Variants in ZBTB20 observed in about 807,000 individuals in gnomAD.
ZBTB20 encodes the protein zinc finger and BTB domain containing 20, also known as zinc finger and BTB domain-containing protein 20.
ZBTB20 carries 9 observed loss-of-function variants against 56.9 expected under a neutral mutation model. That is an observed-to-expected ratio of 0.16 (90% CI 0.10 to 0.28). The LOEUF (loss-of-function observed/expected upper bound fraction) is 0.28. ZBTB20 is among the 10% of genes least tolerant of loss of function. The pLI is 1.00. For missense variants in ZBTB20, 655 were observed against 1,003.0 expected (o/e 0.65, Z 4.69); for synonymous variants, 417 against 420.7 (o/e 0.99, Z 0.11).
intron 4 of ZBTB20, among the ~76,000 whole-genome samples, chr3:114,823,848 CA>C (rs2073379166): frequency 6.6e-6 from 1 of 151,814 alleles, no homozygotes; most frequent in African/African-American, 2.4e-5. Context: ...CTATTTTTTT[CA>C]AAACACCATA....
intron 5 of ZBTB20, among the ~76,000 whole-genome samples, chr3:114,746,409 A>C (rs2108622521): frequency 6.6e-6 from 1 of 151,228 alleles, no homozygotes; most frequent in Middle Eastern, 3.4e-3. Flanking sequence ...TTGAAGAGTC[A>C]CTTGTCTGGA....
chr3:114,933,012 G>C (rs529467913), intron 3 of ZBTB20, among the ~76,000 whole-genome samples: 2 of 152,224 alleles, frequency 1.3e-5, no homozygotes, highest in East Asian at 1.9e-4. Context: ...ATTAGTGAAT[G>C]ATGAGAAGCA....
In ZBTB20 at chr3:114,527,998, T is replaced by G. The variant is rs2047427087; in HGVS notation, c.-294-27607A>C. On this transcript the variant is annotated intron_variant, in intron 6 of 11. Coordinates refer to ENST00000675478, the MANE Select transcript of ZBTB20 (RefSeq NM_001348800.3). The stretch of plus-strand genomic sequence containing the variant: ...TTGTGTCTTTCCCTTCATAATTTTT[T>G]TTTTTTTTTGGTTACTAGATTATCC... Among the ~76,000 whole-genome samples the G allele has an allele frequency of 3.3e-5, 5 of 151,968 alleles. No homozygotes were observed. The South Asian group carries it at 1.0e-3, about 32-fold the overall frequency.
chr3:114,627,774 C>G (rs899734222), intron 6 of ZBTB20, among the ~76,000 whole-genome samples: 2 of 152,194 alleles, frequency 1.3e-5, no homozygotes, highest in African/African-American at 4.8e-5. Context: ...GTCACAATGA[C>G]AAATCATCCG....
intron 6 of ZBTB20, among the ~76,000 whole-genome samples, chr3:114,510,448 G>A (rs1271305132): frequency 6.6e-6 from 1 of 151,862 alleles, no homozygotes; most frequent in African/African-American, 2.4e-5. Context: ...TTGGTCTGGA[G>A]GAAGTGACCC....
rs536940554 is a variant in ZBTB20 at position 114,856,273 on chromosome 3, T to G, written c.-417+44031A>C. Among the ~76,000 whole-genome samples the G allele has an allele frequency of 3.2e-4, 48 of 152,370 alleles. No individual in the cohort carries two copies. In the South Asian group the frequency reaches 9.5e-3, roughly 30 times the overall value. ...TTATCTAATTTGATCTTCATGCCAGTTCTGAGGTAGTATTATTATGATTAT... is the reference window on the plus strand; with the variant it reads ...TTATCTAATTTGATCTTCATGCCAGGTCTGAGGTAGTATTATTATGATTAT... On this transcript the variant is annotated intron_variant, in intron 4 of 11. Transcript: ENST00000675478.
In ZBTB20 at chr3:114,350,884, C is replaced by T. The variant is rs757122208; in HGVS notation, c.1194G>A (p.Ala398=). 3 of 1,607,642 alleles carry T rather than the reference C, an allele frequency of 1.9e-6. No individual in the cohort carries two copies. Among genetic ancestry groups the T allele is most frequent in the African/African-American group, 1.3e-5 (1 of 74,850 alleles). The part of the protein sequence containing the change: ...DSVEQQFGPG[A]ARDSQAEPTQ... ...TGGGTTCAGCCTGGCTGTCCCGCGC[C>T]GCCCCAGGCCCAAACTGCTGCTCCA... Residue 398 remains alanine (A), a synonymous_variant, in exon 11 of 12, where the codon GCG becomes GCA. Coordinates refer to ENST00000675478, the MANE Select transcript of ZBTB20 (RefSeq NM_001348800.3).
intron 6 of ZBTB20, among the ~76,000 whole-genome samples, chr3:114,575,207 C>CT (rs1271117861): frequency 1.3e-5 from 2 of 152,170 alleles, no homozygotes; most frequent in African/African-American, 4.8e-5. Context: ...ATAGAAACAG[C>CT]TAGGAAGGCA....
At chr3:115,028,182 T>G (rs1419341500) in intron 2 of ZBTB20, among the ~76,000 whole-genome samples, 4 of 150,836 alleles carry the variant, frequency 2.7e-5, no homozygotes, top group Non-Finnish European at 6.0e-5. Flanking sequence ...CCAGTTTTAA[T>G]AGAAAATTGA....
chr3:114,821,966 A>T (rs2073274695), intron 4 of ZBTB20, among the ~76,000 whole-genome samples: 1 of 152,164 alleles, frequency 6.6e-6, no homozygotes, highest in Non-Finnish European at 1.5e-5. Flanking sequence ...AGGGAAATAA[A>T]ATGAATGAAT....
At chr3:115,115,172 G>A (rs1006452592) in intron 1 of ZBTB20, among the ~76,000 whole-genome samples, 2 of 152,082 alleles carry the variant, frequency 1.3e-5, no homozygotes, top group African/African-American at 4.8e-5. Flanking sequence ...GCACTTGTGT[G>A]TACTTGTGAC....
intron 7 of ZBTB20, among the ~76,000 whole-genome samples, chr3:114,447,146 C>T (rs764862124): frequency 9.1e-4 from 139 of 152,132 alleles, no homozygotes; most frequent in Non-Finnish European, 1.6e-3. Context: ...TACTGGAAAT[C>T]TATTTTCAGT....
intron 4 of ZBTB20, among the ~76,000 whole-genome samples, chr3:114,833,340 C>T (rs2073957868): frequency 6.6e-6 from 1 of 152,104 alleles, no homozygotes; most frequent in Non-Finnish European, 1.5e-5. Flanking sequence ...TATTACATAG[C>T]ATCTGTACAG....
intron 5 of ZBTB20, among the ~76,000 whole-genome samples, chr3:114,789,479 T>TA (rs1438925929): frequency 1.3e-5 from 2 of 152,138 alleles, no homozygotes; most frequent in Admixed American, 6.6e-5. Flanking sequence ...ATTAACATTT[T>TA]AAAAAAACTT....
chr3:114,562,067 CAAA>C (rs1408288955), intron 6 of ZBTB20, among the ~76,000 whole-genome samples: 1 of 152,162 alleles, frequency 6.6e-6, no homozygotes, highest in African/African-American at 2.4e-5. Context: ...CCACTGGCTT[CAAA>C]CTTTTCTTCT....
chr3:114,547,003 G>A (rs1004565417), intron 6 of ZBTB20, among the ~76,000 whole-genome samples: 2 of 152,152 alleles, frequency 1.3e-5, no homozygotes, highest in African/African-American at 2.4e-5. Flanking sequence ...AAAGAGTAGG[G>A]GGTAACTACA....
intron 7 of ZBTB20, among the ~76,000 whole-genome samples, chr3:114,493,858 C>G (rs906412087): frequency 3.3e-5 from 5 of 152,126 alleles, no homozygotes; most frequent in African/African-American, 1.2e-4. Context: ...ATTATAAGCT[C>G]CAGAAGGAGA....
At chr3:114,704,986 A>C (rs1463095722) in intron 5 of ZBTB20, among the ~76,000 whole-genome samples, 1 of 152,136 alleles carries the variant, frequency 6.6e-6, no homozygotes, top group East Asian at 1.9e-4. Context: ...TAAATATTCT[A>C]TATGTACTAT....
intron 2 of ZBTB20, among the ~76,000 whole-genome samples, chr3:114,998,211 T>C (rs1156947679): frequency 6.6e-6 from 1 of 151,728 alleles, no homozygotes; most frequent in African/African-American, 2.4e-5. Flanking sequence ...ATGAGGAAGT[T>C]GACCTAGTAC....
Sources: gnomAD v4.1 joint callset for allele counts (sites outside exome capture counted in the v4.1 genomes callset) on GRCh38, gnomAD v4.1.1 for gene constraint, MANE v1.5 for transcripts, NCBI Gene and HGNC (gene_info 2026-07-23, HGNC 2026-07-21) for gene names.